VWA8: variants seen among roughly 807,000 people sequenced by gnomAD.
VWA8 encodes the protein von Willebrand factor A domain-containing protein 8.
Under a neutral mutation model 241.5 loss-of-function variants are expected in VWA8, and 221 were observed. The observed-to-expected ratio is 0.91, with a 90% CI of 0.82 to 1.02. VWA8 has a LOEUF of 1.02. Ranked by LOEUF, VWA8 falls within the 50% of genes least tolerant of loss-of-function variation. The pLI is 0.00. For synonymous variants in VWA8, 852 were observed against 827.1 expected (o/e 1.03, Z -0.52); for missense variants, 2,322 against 2,328.7 (o/e 1.00, Z 0.06).
rs974114082 is a variant in VWA8 at position 41,837,428 on chromosome 13, C to A, written c.1426-3897G>T. On this transcript the variant is annotated intron_variant, in intron 12 of 44. Coordinates refer to ENST00000379310, the MANE Select transcript of VWA8 (RefSeq NM_015058.2). ...GTGTGAAAGTGCAAGGACACCAAAGCAAAACTAAACTTTCACAGAACAACT... is the reference window on the plus strand; with the variant it reads ...GTGTGAAAGTGCAAGGACACCAAAGAAAAACTAAACTTTCACAGAACAACT... Among the ~76,000 whole-genome samples the A allele has an allele frequency of 7.2e-5, 11 of 152,002 alleles. 1 individual carries two copies. The highest frequency in any genetic ancestry group is 2.7e-4 in the African/African-American group (11 of 41,392).
At chr13:41,696,053 C>T (rs1200539703) in intron 29 of VWA8, 3 of 152,056 alleles carry the variant, frequency 2.0e-5, no homozygotes, top group African/African-American at 7.2e-5. Flanking sequence ...TTACAAACCA[C>T]CAAGATATCA....
At chr13:41,697,135 C>T (rs758023704) in intron 29 of VWA8, among the ~76,000 whole-genome samples, 1 of 152,194 alleles carries the variant, frequency 6.6e-6, no homozygotes, top group Admixed American at 6.5e-5. Flanking sequence ...TTGCTCAGTC[C>T]CTAAATTTTA....
chr13:41,592,328 AG>A (rs945630187), intron 40 of VWA8, among the ~76,000 whole-genome samples: 1 of 52,958 alleles, frequency 1.9e-5, no homozygotes, highest in Non-Finnish European at 3.4e-5. Flanking sequence ...GGGTGGGGGG[AG>A]GGGGGAGGGG....
chr13:41,631,344 C>T (rs1214804154), intron 37 of VWA8, among the ~76,000 whole-genome samples: 1 of 151,946 alleles, frequency 6.6e-6, no homozygotes, highest in Non-Finnish European at 1.5e-5. Context: ...CTAACAGGGG[C>T]AGGAAACCCT....
chr13:41,845,817 A>G (rs545753843), intron 12 of VWA8, among the ~76,000 whole-genome samples: 6 of 152,194 alleles, frequency 3.9e-5, no homozygotes, highest in Non-Finnish European at 7.4e-5. Context: ...ACAATAGACA[A>G]TGGGGACTAC....
At chr13:41,770,440 C>CA (rs35797822) in intron 20 of VWA8, among the ~76,000 whole-genome samples, 4,530 of 102,234 alleles carry the variant, frequency 0.044, 175 homozygotes, top group African/African-American at 0.12. Context: ...GACTCCGTTT[C>CA]AAAAAAAAAA....
At chr13:41,897,866 G>A (rs868622103) in intron 4 of VWA8, among the ~76,000 whole-genome samples, 8 of 152,076 alleles carry the variant, frequency 5.3e-5, no homozygotes, top group Non-Finnish European at 8.8e-5. Context: ...TGCTGGCTCC[G>A]GCAGCCTGCT....
At chr13:41,569,978 C>T (rs1442015426) in intron 44 of VWA8, among the ~76,000 whole-genome samples, 4 of 152,036 alleles carry the variant, frequency 2.6e-5, no homozygotes, top group Non-Finnish European at 5.9e-5. Context: ...TATATATATA[C>T]AGGCATGCAT....
chr13:41,692,784 TG>T, intron 30 of VWA8, 77 bp downstream of exon 30: 1 of 1,113,002 alleles, frequency 9.0e-7, no homozygotes, highest in Non-Finnish European at 1.3e-6. Flanking sequence ...CTTAAAGGGA[TG>T]GGCATGCATG....
intron 2 of VWA8, among the ~76,000 whole-genome samples, chr13:41,915,858 G>A (rs575682798): frequency 1.3e-5 from 2 of 152,102 alleles, no homozygotes; most frequent in Non-Finnish European, 2.9e-5. Flanking sequence ...CATTTTCCCT[G>A]CTTTTATTCT....
intron 40 of VWA8, among the ~76,000 whole-genome samples, chr13:41,594,580 G>A (rs1464278603): frequency 6.6e-6 from 1 of 151,984 alleles, no homozygotes. Context: ...ATAGTTGATG[G>A]CAAAAAAAAG....
chr13:41,649,389 A>G (rs2044854377), intron 37 of VWA8, among the ~76,000 whole-genome samples: 1 of 152,204 alleles, frequency 6.6e-6, no homozygotes, highest in African/African-American at 2.4e-5. Flanking sequence ...AACACTAGTA[A>G]TTATTTAATG....
chr13:41,767,904 G>T (rs1453894766), intron 20 of VWA8, among the ~76,000 whole-genome samples: 1 of 152,204 alleles, frequency 6.6e-6, no homozygotes, highest in Non-Finnish European at 1.5e-5. Context: ...CAATGTGTCT[G>T]CAGGAACAAA....
chr13:41,704,937 A>G (rs1368013550), intron 26 of VWA8, among the ~76,000 whole-genome samples: 1 of 152,208 alleles, frequency 6.6e-6, no homozygotes, highest in African/African-American at 2.4e-5. Flanking sequence ...TTAAAAGAAC[A>G]CGTTTATATT....
chr13:41,626,867 T>C (rs905792372), intron 37 of VWA8, among the ~76,000 whole-genome samples: 3 of 152,080 alleles, frequency 2.0e-5, no homozygotes, highest in Admixed American at 6.6e-5. Flanking sequence ...TGGCAAAGAT[T>C]TCATGACAAG....
chr13:41,881,127 CCAT>C (rs1227749610), intron 9 of VWA8, among the ~76,000 whole-genome samples: 1 of 152,000 alleles, frequency 6.6e-6, no homozygotes, highest in Non-Finnish European at 1.5e-5. Context: ...AAACCAATTA[CCAT>C]CATCATTTAT....
At chr13:41,897,891 T>C (rs528944164) in intron 4 of VWA8, among the ~76,000 whole-genome samples, 2 of 152,186 alleles carry the variant, frequency 1.3e-5, no homozygotes, top group Admixed American at 6.5e-5. Flanking sequence ...TTCTGCTAGC[T>C]GGCCCCCACC....
Position 41,885,912 on chromosome 13 carries a change from T to C in VWA8, c.975+8A>G. ...TGGGTATGCCAGTCATTAATTTATT[T>C]TACTTACCAAGATTTGAACCGCAGC... On this transcript the variant is annotated splice_region_variant and intron_variant, in intron 8 of 44. Transcript: ENST00000379310. 1 of 1,559,438 alleles carries C rather than the reference T, an allele frequency of 6.4e-7. No homozygotes were observed. Among genetic ancestry groups the C allele is most frequent in the Non-Finnish European group, 8.7e-7 (1 of 1,156,064 alleles).
At chr13:41,777,385 C>T (rs1335984896) in intron 20 of VWA8, among the ~76,000 whole-genome samples, 1 of 152,050 alleles carries the variant, frequency 6.6e-6, no homozygotes, top group Non-Finnish European at 1.5e-5. Flanking sequence ...GAAGGAAGAG[C>T]ATGTACTGAG....
Sources: allele counts gnomAD v4.1 joint callset (sites outside exome capture counted in the v4.1 genomes callset), GRCh38; gene constraint gnomAD v4.1.1; transcripts MANE v1.5; gene names NCBI Gene and HGNC (gene_info 2026-07-23, HGNC 2026-07-21).